Variants in SRGAP2 observed in about 807,000 individuals in gnomAD.
SRGAP2 encodes SLIT-ROBO Rho GTPase activating protein 2, also known as SLIT-ROBO Rho GTPase-activating protein 2.
In SRGAP2, 15 loss-of-function variants were observed where a neutral mutation model predicts 57.2. That is an observed-to-expected ratio of 0.26 (90% confidence interval 0.18 to 0.40). The LOEUF is 0.40. Among genes scored for constraint, SRGAP2 ranks in the 10% least tolerant of loss-of-function variants. The probability of loss-of-function intolerance (pLI) is 1.00; values close to 1 mark genes in which losing one functional copy is unlikely to be tolerated. For missense variants in SRGAP2, 520 were observed against 669.6 expected, an observed-to-expected ratio of 0.78 and a Z score of 2.47; for synonymous variants, 249 against 248.0, an observed-to-expected ratio of 1.00 and a Z score of -0.04.
intron 2 of SRGAP2, among the ~76,000 whole-genome samples, chr1:206,216,517 C>T (rs1167774955): frequency 1.7e-4 from 26 of 149,570 alleles, no homozygotes; most frequent in African/African-American, 5.4e-4. Context: ...TTTCAAAGCA[C>T]GGTGTGGAGA....
chr1:206,431,617 T>G (rs1553368312), intron 14 of SRGAP2, among the ~76,000 whole-genome samples: 6 of 152,268 alleles, frequency 3.9e-5, no homozygotes. Context: ...AGTTGCTTAT[T>G]ATATCCCAAC....
chr1:206,417,166 C>T (rs1659801503), intron 11 of SRGAP2, among the ~76,000 whole-genome samples: 1 of 128,624 alleles, frequency 7.8e-6, no homozygotes, highest in African/African-American at 3.0e-5. Context: ...TGGAGTGGTG[C>T]CATCTCGGCT....
chr1:206,210,861 T>C (rs1268763906), intron 2 of SRGAP2, among the ~76,000 whole-genome samples: 7 of 151,616 alleles, frequency 4.6e-5, no homozygotes, highest in Admixed American at 4.6e-4. Context: ...TCCTGCAAGA[T>C]GATTGAGGGC....
rs199886329 is a variant in SRGAP2 at position 206,245,447 on chromosome 1, A to G, written c.67+39410A>G. On this transcript the variant is annotated intron_variant, in intron 2 of 22. Coordinates refer to ENST00000573034, the MANE Select transcript of SRGAP2 (RefSeq NM_015326.5). ...AAGATTTTGATGATGGTAACTTTCT[A>G]TAAGAGATGTAGAAGCAAGAGGCCC... 9.5e-3 allele frequency among the ~76,000 whole-genome samples: 1,452 copies of G among 152,198 alleles called. 31 individuals carry two copies. Among genetic ancestry groups the G allele is most frequent in the East Asian group, 0.063 (324 of 5,164 alleles).
chr1:206,378,383 G>GGGA lies in SRGAP2; in HGVS notation c.424-5624_424-5622dup, dbSNP rs536905915. 3.8e-3 allele frequency among the ~76,000 whole-genome samples: 584 copies of GGGA among 152,234 alleles called. 5 individuals carry two copies. Among genetic ancestry groups the GGGA allele is most frequent in the Middle Eastern group, 6.8e-3 (2 of 294 alleles). Reference sequence around the variant, plus strand: ...TCGTCCCAGCTACATGGGAAGCTGAGGGAGGAGGATCACGTGACAGTTGAG... The same window carrying GGGA: ...TCGTCCCAGCTACATGGGAAGCTGAGGGAGGAGGAGGATCACGTGACAGTTGAG... On this transcript the variant is annotated intron_variant, in intron 4 of 22. Coordinates refer to ENST00000573034, the MANE Select transcript of SRGAP2 (RefSeq NM_015326.5).
At chr1:206,418,777 T>G (rs1446938134) in intron 11 of SRGAP2, among the ~76,000 whole-genome samples, 1 of 152,128 alleles carries the variant, frequency 6.6e-6, no homozygotes, top group Non-Finnish European at 1.5e-5. Flanking sequence ...CCTTGCCACC[T>G]CAGTCAAACC....
At chr1:206,412,641 C>T (rs1456784658) in intron 10 of SRGAP2, among the ~76,000 whole-genome samples, 3 of 152,086 alleles carry the variant, frequency 2.0e-5, no homozygotes, top group African/African-American at 4.8e-5. Context: ...TTTCCTGGCC[C>T]CCGTGATCTC....
intron 14 of SRGAP2, among the ~76,000 whole-genome samples, chr1:206,431,942 G>C (rs1661310356): frequency 6.6e-6 from 1 of 152,248 alleles, no homozygotes; most frequent in South Asian, 2.1e-4. Flanking sequence ...AGCTGGAGCA[G>C]AGCAAATGAA....
intron 2 of SRGAP2, among the ~76,000 whole-genome samples, chr1:206,241,911 CGTGTGTGTGTGTGTGT>C (rs781785493): frequency 4.9e-4 from 51 of 104,618 alleles, no homozygotes; most frequent in African/African-American, 1.1e-3. Context: ...GAGGTGTTTG[CGTGTGTGTGTGTGTGT>C]GTGTGTGTGT....
At position 206,372,969 on chromosome 1, in the gene SRGAP2, CTTTCTTTCTTTCTTT is replaced by C. The variant is rs1654768833; in HGVS notation, c.424-11044_424-11030del. Among the ~76,000 whole-genome samples, 69 of 11,596 alleles carry C rather than the reference CTTTCTTTCTTTCTTT, an allele frequency of 6.0e-3. 5 individuals are homozygous for C. Among genetic ancestry groups the C allele is most frequent in the Admixed American group, 0.013 (13 of 1,010 alleles). 7.6% of individuals were successfully genotyped at this position (11,596 alleles called of 152,430 possible). ...TTTCTTTCTTTCTTTTCTTTCCTTT[CTTTCTTTCTTTCTTT>C]CTTTCTTTCTTTCTTTCTTTCTTTC... On this transcript the variant is annotated intron_variant, in intron 4 of 22. Transcript: ENST00000573034.
chr1:206,303,739 A>C (rs1179869821), intron 3 of SRGAP2, among the ~76,000 whole-genome samples: 1 of 152,100 alleles, frequency 6.6e-6, no homozygotes, highest in African/African-American at 2.4e-5. Context: ...TAAGGGCTTT[A>C]CATATATGTT....
chr1:206,240,118 T>A (rs1166076738), intron 2 of SRGAP2, among the ~76,000 whole-genome samples: 103 of 152,038 alleles, frequency 6.8e-4, no homozygotes, highest in African/African-American at 2.4e-3. Context: ...ACAAAAAAAT[T>A]AGCTGGGCAT....
intron 3 of SRGAP2, among the ~76,000 whole-genome samples, chr1:206,338,971 A>C (rs1674971357): frequency 6.6e-6 from 1 of 151,898 alleles, no homozygotes; most frequent in African/African-American, 2.4e-5. Flanking sequence ...AAAAATATTG[A>C]GATCAGGATT....
chr1:206,454,191 G>C lies in SRGAP2; in HGVS notation c.2361-687G>C. 1 of 702,278 alleles carries C rather than the reference G, an allele frequency of 1.4e-6. No individual in the cohort carries two copies. The highest frequency in any genetic ancestry group is 2.6e-6 in the Non-Finnish European group (1 of 384,916). The allele number at this position is 702,278 out of a possible 1,614,324, so 43.5% of individuals were successfully genotyped here. On this transcript the variant is annotated intron_variant, in intron 20 of 22. Transcript: ENST00000573034. The surrounding 1 kb of genome is among the most constrained non-coding windows in gnomAD (Gnocchi z 4.3). The stretch of plus-strand genomic sequence containing the variant: ...CACCCTCCCAGCCTCTTCCCGGCTC[G>C]TTCTGCAGGGAAATCCTCCCTCTGT...
chr1:206,435,355 G>C (rs1310610857), intron 14 of SRGAP2, among the ~76,000 whole-genome samples: 1 of 152,212 alleles, frequency 6.6e-6, no homozygotes. Flanking sequence ...TCTCCAGCAT[G>C]TCAAGGTTTT....
rs371643115 is a variant in SRGAP2 at position 206,239,618 on chromosome 1, C to T, written c.67+33581C>T. Reference sequence around the variant, plus strand: ...GACTACAGGCATGCGCCACCATGCCCGGCTGATTTTTATATTTTTAGTAGA... The same window carrying T: ...GACTACAGGCATGCGCCACCATGCCTGGCTGATTTTTATATTTTTAGTAGA... On this transcript the variant is annotated intron_variant, in intron 2 of 22. Coordinates refer to ENST00000573034, the MANE Select transcript of SRGAP2 (RefSeq NM_015326.5). Among the ~76,000 whole-genome samples, 196 of 147,550 alleles carry T rather than the reference C, an allele frequency of 1.3e-3. 1 individual carries two copies. The highest frequency in any genetic ancestry group is 8.5e-3 in the East Asian group (40 of 4,706).
At chr1:206,354,199 T>C (rs2102965873) in intron 4 of SRGAP2, among the ~76,000 whole-genome samples, 1 of 152,360 alleles carries the variant, frequency 6.6e-6, no homozygotes, top group Admixed American at 6.5e-5. Flanking sequence ...TATTGCATAT[T>C]GGACATCATA....
At chr1:206,411,174 T>C (rs553805740) in intron 10 of SRGAP2, among the ~76,000 whole-genome samples, 3 of 152,316 alleles carry the variant, frequency 2.0e-5, no homozygotes, top group South Asian at 4.1e-4. Flanking sequence ...TATTTCCTTT[T>C]ATAGGGAGTT....
At chr1:206,307,821 C>T (rs1381741189) in intron 3 of SRGAP2, among the ~76,000 whole-genome samples, 2 of 151,744 alleles carry the variant, frequency 1.3e-5, no homozygotes, top group Non-Finnish European at 3.0e-5. Flanking sequence ...CCCCGGTTCC[C>T]GCTCGTGCCT....
Sources: gnomAD v4.1 joint callset for allele counts (sites outside exome capture counted in the v4.1 genomes callset) on GRCh38, gnomAD v4.1.1 for gene constraint, Gnocchi (gnomAD v3.1) non-coding constraint, MANE v1.5 for transcripts, NCBI Gene and HGNC (gene_info 2026-07-23, HGNC 2026-07-21) for gene names.